Variants in RGS6 observed in about 807,000 individuals in gnomAD.
RGS6 encodes regulator of G-protein signaling 6.
A neutral mutation model predicts 78.5 loss-of-function variants in RGS6; 30 were observed. That is an observed-to-expected ratio of 0.38 (90% CI 0.29 to 0.52). RGS6 has a LOEUF of 0.52. Ranked by LOEUF, RGS6 falls within the 20% of genes least tolerant of loss-of-function variation. RGS6 has a pLI of 0.85. For synonymous variants in RGS6, 206 were observed against 206.0 expected (o/e 1.00, Z 0.00); for missense variants, 495 against 609.7 (o/e 0.81, Z 1.98).
intron 2 of RGS6, among the ~76,000 whole-genome samples, chr14:72,000,302 G>A (rs2083191561): frequency 6.6e-6 from 1 of 152,216 alleles, no homozygotes; most frequent in African/African-American, 2.4e-5. Context: ...ACTTGTAAAT[G>A]TAGGTGGAAT....
intron 2 of RGS6, among the ~76,000 whole-genome samples, chr14:72,292,060 A>AC (rs11390705): frequency 0.96 from 146,736 of 152,080 alleles, 70,812 homozygotes; most frequent in East Asian, 1. Flanking sequence ...ACACAGTAAC[A>AC]CGGTAGGGAG....
chr14:72,601,118 G>T, the RGS6 span, among the ~76,000 whole-genome samples: 1 of 152,068 alleles, frequency 6.6e-6, no homozygotes, highest in Non-Finnish European at 1.5e-5. Context: ...AGTAGACGAG[G>T]TACAGACCAA....
chr14:72,476,753 C>A lies in RGS6; in HGVS notation c.705C>A (p.Gly235=). The part of the protein sequence containing the change: ...NPQKVKKSVY[G]VTEESQAQSP... ...GCTTCTTCTCCTAGTCCGTGTATGG[C>A]GTGACTGAAGAGTCCCAGGCACAGA... Residue 235 remains glycine, a synonymous_variant, in exon 11 of 18, where the codon GGC becomes GGA. Transcript: ENST00000553525. 6.2e-7 allele frequency: 1 copy of A among 1,613,946 alleles called. No individual in the cohort carries two copies. The highest frequency in any genetic ancestry group is 2.2e-5 in the East Asian group (1 of 44,882).
At chr14:72,289,034 A>G (rs1453316022) in intron 2 of RGS6, among the ~76,000 whole-genome samples, 1 of 152,206 alleles carries the variant, frequency 6.6e-6, no homozygotes, top group Non-Finnish European at 1.5e-5. Flanking sequence ...AATGAGAATT[A>G]CTAACAATGC....
At chr14:71,876,664 A>T in the RGS6 span, among the ~76,000 whole-genome samples, 1 of 151,782 alleles carries the variant, frequency 6.6e-6, no homozygotes, top group Non-Finnish European at 1.5e-5. Context: ...TGGAGCATTT[A>T]GCCCATTTAC....
chr14:72,315,774 G>A (rs1003824249), intron 2 of RGS6, among the ~76,000 whole-genome samples: 8 of 152,196 alleles, frequency 5.3e-5, no homozygotes, highest in African/African-American at 1.9e-4. Flanking sequence ...CTTAGAGGTT[G>A]TAACTAGTCC....
chr14:72,082,025 G>A (rs559997727), intron 2 of RGS6, among the ~76,000 whole-genome samples: 3 of 152,122 alleles, frequency 2.0e-5, no homozygotes, highest in South Asian at 2.1e-4. Context: ...TGGAGTTAAA[G>A]TCATTCAGTT....
intron 2 of RGS6, among the ~76,000 whole-genome samples, chr14:72,309,407 C>G (rs1385087869): frequency 6.6e-6 from 1 of 152,190 alleles, no homozygotes; most frequent in Non-Finnish European, 1.5e-5. Context: ...CTTAAATGTC[C>G]ATTTAATGCA....
chr14:72,368,866 A>C (rs1254456258), intron 3 of RGS6, among the ~76,000 whole-genome samples: 1 of 152,188 alleles, frequency 6.6e-6, no homozygotes, highest in African/African-American at 2.4e-5. Context: ...TACATCTGTA[A>C]ACATTTGTTG....
chr14:72,337,089 A>G (rs2076165726), intron 2 of RGS6, among the ~76,000 whole-genome samples: 3 of 152,078 alleles, frequency 2.0e-5, no homozygotes. Context: ...AGTCCATAAC[A>G]AGGGGATTCC....
the RGS6 span, among the ~76,000 whole-genome samples, chr14:72,597,638 T>C: frequency 3.3e-5 from 4 of 122,206 alleles, no homozygotes; most frequent in African/African-American, 1.0e-4. Flanking sequence ...ATGGGTTATA[T>C]AGTGAGAAGC....
chr14:71,998,653 A>C (rs1177881710), intron 2 of RGS6, among the ~76,000 whole-genome samples: 2 of 152,214 alleles, frequency 1.3e-5, no homozygotes, highest in Admixed American at 6.5e-5. Context: ...TCTCACTTCC[A>C]CCTTCTAGAA....
chr14:71,898,684 C>G, the RGS6 span, among the ~76,000 whole-genome samples: 7 of 152,028 alleles, frequency 4.6e-5, 1 homozygote, highest in East Asian at 1.4e-3. Flanking sequence ...ACCCCCCCGA[C>G]AGGCCCCGGT....
At chr14:72,171,243 A>T (rs1363149616) in intron 2 of RGS6, among the ~76,000 whole-genome samples, 1 of 152,064 alleles carries the variant, frequency 6.6e-6, no homozygotes, top group Non-Finnish European at 1.5e-5. Flanking sequence ...CACAAGAGGC[A>T]CATGTACACA....
chr14:72,577,404 G>A, the RGS6 span, among the ~76,000 whole-genome samples: 2 of 152,290 alleles, frequency 1.3e-5, no homozygotes, highest in Admixed American at 1.3e-4. Context: ...CATTCCTGCA[G>A]CATTCACCAG....
At chr14:72,073,982 A>AT (rs2094492749) in intron 2 of RGS6, among the ~76,000 whole-genome samples, 2 of 152,010 alleles carry the variant, frequency 1.3e-5, no homozygotes, top group Admixed American at 1.3e-4. Flanking sequence ...GCTTTGTTTA[A>AT]TTTTTTTCTC....
chr14:72,084,354 A>C (rs1209944597), intron 2 of RGS6, among the ~76,000 whole-genome samples: 1 of 152,156 alleles, frequency 6.6e-6, no homozygotes, highest in Non-Finnish European at 1.5e-5. Context: ...TATGCAGCCC[A>C]GTTCCTAACA....
At chr14:72,214,964 G>T (rs558320927) in intron 2 of RGS6, among the ~76,000 whole-genome samples, 1 of 152,216 alleles carries the variant, frequency 6.6e-6, no homozygotes, top group East Asian at 1.9e-4. Flanking sequence ...TACCTGACTT[G>T]TAAGTGCCAG....
intron 2 of RGS6, among the ~76,000 whole-genome samples, chr14:72,273,695 C>T (rs1168860740): frequency 1.3e-5 from 2 of 152,146 alleles, no homozygotes; most frequent in Non-Finnish European, 1.5e-5. Flanking sequence ...TTTTCTCCCC[C>T]AGAGCAGACT....
Sources: allele counts gnomAD v4.1 joint callset (sites outside exome capture counted in the v4.1 genomes callset), GRCh38; gene constraint gnomAD v4.1.1; transcripts MANE v1.5; gene names NCBI Gene and HGNC (gene_info 2026-07-23, HGNC 2026-07-21).